Variants in ZNF804B observed in about 807,000 individuals in gnomAD.
The protein encoded by ZNF804B is zinc finger 804B.
Under a neutral mutation model 101.4 loss-of-function variants are expected in ZNF804B, and 80 were observed. The ratio of observed to expected loss-of-function variants is 0.79; its 90% CI spans 0.66 to 0.95. The LOEUF is 0.95. Among genes scored for constraint, ZNF804B ranks in the 40% least tolerant of loss-of-function variants. The pLI is 0.00. For synonymous variants in ZNF804B, 622 were observed against 558.8 expected, an observed-to-expected ratio of 1.11 and a Z score of -1.59; for missense variants, 1,673 against 1,561.9, an observed-to-expected ratio of 1.07 and a Z score of -1.20.
chr7:88,825,199 C>T (rs1791036225), intron 1 of ZNF804B, among the ~76,000 whole-genome samples: 1 of 152,058 alleles, frequency 6.6e-6, no homozygotes, highest in Non-Finnish European at 1.5e-5. Flanking sequence ...TCTCATTTTC[C>T]AGAATCACAT....
At chr7:88,881,243 A>G (rs1288113507) in intron 1 of ZNF804B, among the ~76,000 whole-genome samples, 2 of 152,118 alleles carry the variant, frequency 1.3e-5, no homozygotes, top group Non-Finnish European at 2.9e-5. Flanking sequence ...TTATTTTGCC[A>G]TCCAAATAAT....
intron 1 of ZNF804B, among the ~76,000 whole-genome samples, chr7:89,112,075 C>T (rs1790225444): frequency 6.9e-6 from 1 of 144,172 alleles, no homozygotes; most frequent in Admixed American, 7.2e-5. Flanking sequence ...CACTGCGCTC[C>T]AGCCTAGGTG....
chr7:89,182,664 G>C (rs1788314825), intron 1 of ZNF804B, among the ~76,000 whole-genome samples: 1 of 152,114 alleles, frequency 6.6e-6, no homozygotes, highest in African/African-American at 2.4e-5. Context: ...TACTGTAACA[G>C]TAGGTAGTAT....
At chr7:88,777,898 T>TA (rs1445110540) in intron 1 of ZNF804B, among the ~76,000 whole-genome samples, 7 of 149,700 alleles carry the variant, frequency 4.7e-5, no homozygotes, top group Non-Finnish European at 8.9e-5. Context: ...TGGCATTAAC[T>TA]AATGAAGGAA....
intron 1 of ZNF804B, among the ~76,000 whole-genome samples, chr7:89,164,569 C>G (rs549879471): frequency 6.6e-6 from 1 of 151,958 alleles, no homozygotes; most frequent in Non-Finnish European, 1.5e-5. Context: ...GTACAAAATC[C>G]GTGGTTTTTA....
chr7:89,075,255 G>T (rs575990660), intron 1 of ZNF804B, among the ~76,000 whole-genome samples: 16 of 152,166 alleles, frequency 1.1e-4, no homozygotes, highest in Non-Finnish European at 1.5e-4. Context: ...CATGTCAGAC[G>T]TCTCTACGGC....
chr7:89,141,921 T>G (rs1305690081), intron 1 of ZNF804B, among the ~76,000 whole-genome samples: 1 of 151,418 alleles, frequency 6.6e-6, no homozygotes, highest in Non-Finnish European at 1.5e-5. Flanking sequence ...ATAACTGTAT[T>G]TCTCAACATA....
intron 1 of ZNF804B, among the ~76,000 whole-genome samples, chr7:89,215,471 T>C (rs973630362): frequency 4.6e-5 from 7 of 152,074 alleles, no homozygotes; most frequent in Non-Finnish European, 4.4e-5. Flanking sequence ...TCCTGAATTT[T>C]CAGTTGTTCC....
intron 1 of ZNF804B, among the ~76,000 whole-genome samples, chr7:88,812,091 T>A (rs1790799160): frequency 6.6e-6 from 1 of 152,166 alleles, no homozygotes; most frequent in Non-Finnish European, 1.5e-5. Flanking sequence ...GTAATTAAAA[T>A]CATGTAGGAG....
intron 1 of ZNF804B, among the ~76,000 whole-genome samples, chr7:88,783,461 T>G (rs965064602): frequency 4.6e-5 from 7 of 152,190 alleles, no homozygotes; most frequent in African/African-American, 1.4e-4. Context: ...ATAGACAGTA[T>G]TAGAAGTTCC....
Position 88,786,164 on chromosome 7 carries a change from C to G in ZNF804B, c.108+26080C>G, listed in dbSNP as rs528439539. Among the ~76,000 whole-genome samples the G allele has an allele frequency of 1.4e-4, 22 of 152,174 alleles. No homozygotes were observed. The East Asian group carries it at 3.7e-3, about 25-fold the overall frequency. ...AATAAAATGTAATATTTGTCATATA[C>G]TCCCAGTACCATTTGAGAGAAATAG... On this transcript the variant is annotated intron_variant, in intron 1 of 3. Transcript: ENST00000333190.
chr7:88,940,949 A>T lies in ZNF804B; in HGVS notation c.108+180865A>T, dbSNP rs190051593. On this transcript the variant is annotated intron_variant, in intron 1 of 3. Coordinates refer to ENST00000333190, the MANE Select transcript of ZNF804B (RefSeq NM_181646.5). ...CAATAAGAAAATAACCTGATTAAAA[A>T]TTGGGTTTAAAAAAATGAACAGACA... Among the ~76,000 whole-genome samples the T allele has an allele frequency of 1.6e-3, 240 of 151,896 alleles. 2 individuals are homozygous for T. The highest frequency in any genetic ancestry group is 2.3e-3 in the Non-Finnish European group (154 of 67,888).
intron 1 of ZNF804B, among the ~76,000 whole-genome samples, chr7:89,190,658 A>G (rs934498843): frequency 6.6e-6 from 1 of 152,144 alleles, no homozygotes; most frequent in Non-Finnish European, 1.5e-5. Flanking sequence ...CATGCTCCAG[A>G]GGAACTTTTC....
At chr7:88,828,659 A>G (rs962004629) in intron 1 of ZNF804B, among the ~76,000 whole-genome samples, 1 of 152,162 alleles carries the variant, frequency 6.6e-6, no homozygotes, top group East Asian at 1.9e-4. Context: ...GTTTTCCTGC[A>G]ATAAAATTAT....
intron 1 of ZNF804B, among the ~76,000 whole-genome samples, chr7:88,872,860 A>G (rs1482086445): frequency 1.3e-5 from 2 of 150,870 alleles, no homozygotes; most frequent in African/African-American, 4.9e-5. Context: ...TTCTTAATCC[A>G]GTCTATCATT....
intron 1 of ZNF804B, among the ~76,000 whole-genome samples, chr7:88,857,659 T>G (rs189543311): frequency 1.2e-4 from 18 of 152,032 alleles, no homozygotes; most frequent in Non-Finnish European, 2.5e-4. Context: ...ACCAGATGGA[T>G]TCACAGCCTC....
intron 2 of ZNF804B, among the ~76,000 whole-genome samples, chr7:89,285,637 A>G (rs1790184785): frequency 7.0e-6 from 1 of 142,976 alleles, no homozygotes; most frequent in Non-Finnish European, 1.5e-5. Flanking sequence ...AATTCAGACA[A>G]AAGTGCCCTA....
intron 1 of ZNF804B, among the ~76,000 whole-genome samples, chr7:88,964,936 T>C (rs1249470827): frequency 2.0e-5 from 3 of 151,392 alleles, no homozygotes; most frequent in Non-Finnish European, 3.0e-5. Context: ...TAAGTATATA[T>C]TGTAGTTCAG....
chr7:88,783,063 C>T (rs1442788205), intron 1 of ZNF804B, among the ~76,000 whole-genome samples: 3 of 152,126 alleles, frequency 2.0e-5, no homozygotes, highest in Non-Finnish European at 4.4e-5. Context: ...CTGTGGAAAT[C>T]ATCTCATTAA....
Sources: gnomAD v4.1 joint callset for allele counts (sites outside exome capture counted in the v4.1 genomes callset) on GRCh38, gnomAD v4.1.1 for gene constraint, MANE v1.5 for transcripts, NCBI Gene and HGNC (gene_info 2026-07-23, HGNC 2026-07-21) for gene names.